The following PRPSAP1 variants were observed in gnomAD, a reference collection of about 807,000 sequenced individuals.
PRPSAP1 encodes the protein phosphoribosyl pyrophosphate synthetase associated protein 1, also known as phosphoribosyl pyrophosphate synthase-associated protein 1.
In PRPSAP1, 31 loss-of-function variants were observed where a neutral mutation model predicts 39.4. The observed-to-expected ratio is 0.79, with a 90% CI of 0.59 to 1.06. PRPSAP1 has a LOEUF of 1.06. Ranked by LOEUF, PRPSAP1 falls within the 50% of genes least tolerant of loss-of-function variation. The pLI, the probability that PRPSAP1 is intolerant of heterozygous loss-of-function variation, is 0.00. For synonymous variants in PRPSAP1, 212 were observed against 192.6 expected (o/e 1.10, Z -0.83); for missense variants, 430 against 511.6 (o/e 0.84, Z 1.54).
rs970985848 is a variant in PRPSAP1, at chr17:76,318,804, C to T, written c.782-4913G>A. Among the ~76,000 whole-genome samples the T allele has an allele frequency of 6.6e-5, 10 of 152,108 alleles. No individual in the cohort carries two copies. The South Asian group carries it at 8.3e-4, about 13-fold the overall frequency. The stretch of plus-strand genomic sequence containing the variant: ...TCCTATGACACACAAAGATGACTGC[C>T]GGGGAAACCATGGTTATGACCGTTA... On this transcript the variant is annotated intron_variant, in intron 7 of 9. Transcript: ENST00000446526.
intron 7 of PRPSAP1, among the ~76,000 whole-genome samples, chr17:76,321,250 T>C (rs1290159925): frequency 1.3e-5 from 2 of 152,170 alleles, no homozygotes; most frequent in African/African-American, 4.8e-5. Flanking sequence ...GCATGAACCA[T>C]GCTCATATAA....
chr17:76,340,678 G>A (rs2071426243), intron 3 of PRPSAP1, among the ~76,000 whole-genome samples: 1 of 152,042 alleles, frequency 6.6e-6, no homozygotes, highest in Non-Finnish European at 1.5e-5. Flanking sequence ...ATCACTTGAG[G>A]TTGGGAGTTC....
intron 7 of PRPSAP1, among the ~76,000 whole-genome samples, chr17:76,327,805 C>T (rs555960115): frequency 1.3e-5 from 2 of 152,096 alleles, no homozygotes; most frequent in East Asian, 1.9e-4. Flanking sequence ...TATCAAACAC[C>T]GTCTGAATGC....
chr17:76,328,396 G>C (rs1417531811), intron 7 of PRPSAP1, among the ~76,000 whole-genome samples: 1 of 152,094 alleles, frequency 6.6e-6, no homozygotes, highest in Non-Finnish European at 1.5e-5. Flanking sequence ...AGATCACGAG[G>C]TCTGGAGTTT....
intron 7 of PRPSAP1, among the ~76,000 whole-genome samples, chr17:76,326,261 G>C (rs1009617344): frequency 6.6e-5 from 10 of 152,102 alleles, no homozygotes; most frequent in African/African-American, 2.4e-4. Context: ...GATAGAGTTA[G>C]AAAAATGAAC....
At chr17:76,351,814 AAAAC>A (rs1427326465) in intron 1 of PRPSAP1, among the ~76,000 whole-genome samples, 1 of 152,166 alleles carries the variant, frequency 6.6e-6, no homozygotes, top group Non-Finnish European at 1.5e-5. Flanking sequence ...GAAAGAATCT[AAAAC>A]AAACAAACAA....
intron 8 of PRPSAP1, 139 bp downstream of exon 8, chr17:76,313,682 G>T: frequency 1.1e-6 from 1 of 883,166 alleles, no homozygotes; most frequent in Non-Finnish European, 1.8e-6. Flanking sequence ...TCTGCCACTT[G>T]GCACAAGGGA....
chr17:76,351,625 T>C (rs750677343), intron 1 of PRPSAP1, among the ~76,000 whole-genome samples: 11 of 152,104 alleles, frequency 7.2e-5, no homozygotes, highest in South Asian at 2.1e-4. Context: ...ACGTGGAGGT[T>C]GCAGTAAGCC....
At chr17:76,348,823 G>A (rs557432987) in intron 1 of PRPSAP1, among the ~76,000 whole-genome samples, 19 of 152,274 alleles carry the variant, frequency 1.2e-4, no homozygotes, top group East Asian at 3.9e-4. Flanking sequence ...TGTCTGGTGC[G>A]CGTTGTTCTT....
At chr17:76,340,275 C>T (rs2071421720) in intron 3 of PRPSAP1, among the ~76,000 whole-genome samples, 1 of 151,822 alleles carries the variant, frequency 6.6e-6, no homozygotes, top group Admixed American at 6.6e-5. Context: ...CATGAGCCAC[C>T]ACACCTGACC....
At chr17:76,327,920 T>C (rs902286585) in intron 7 of PRPSAP1, among the ~76,000 whole-genome samples, 3 of 152,066 alleles carry the variant, frequency 2.0e-5, no homozygotes, top group African/African-American at 7.3e-5. Flanking sequence ...ATGTCTGTAA[T>C]CTTATGTAAT....
chr17:76,344,828 G>A (rs1053773702), intron 2 of PRPSAP1, 91 bp from the exon 3 acceptor site: 28 of 895,894 alleles, frequency 3.1e-5, no homozygotes, highest in South Asian at 4.7e-5. Flanking sequence ...TGCCGGGCGC[G>A]GTGGCACATG....
chr17:76,315,726 T>C (rs1042091579), intron 7 of PRPSAP1, among the ~76,000 whole-genome samples: 72 of 124,710 alleles, frequency 5.8e-4, no homozygotes, highest in Non-Finnish European at 8.4e-4. Flanking sequence ...TTTTTTTTTT[T>C]TTTCTTGAGA....
At chr17:76,349,360 A>C (rs2071543903) in intron 1 of PRPSAP1, among the ~76,000 whole-genome samples, 1 of 152,082 alleles carries the variant, frequency 6.6e-6, no homozygotes, top group Admixed American at 6.6e-5. Flanking sequence ...CAAAGACTAG[A>C]TACTACATAA....
chr17:76,329,006 C>T, intron 6 of PRPSAP1, 144 bp from the exon 7 acceptor site: 1 of 976,638 alleles, frequency 1.0e-6, no homozygotes, highest in South Asian at 1.9e-5. Flanking sequence ...AATGTGAGGC[C>T]CAGGCCAGCA....
At chr17:76,346,918 T>C (rs1043245821) in intron 2 of PRPSAP1, among the ~76,000 whole-genome samples, 5 of 151,990 alleles carry the variant, frequency 3.3e-5, no homozygotes, top group African/African-American at 9.7e-5. Context: ...GCCTCCTCCA[T>C]GTCAGGAACT....
chr17:76,337,441 CA>C (rs2071391448), intron 3 of PRPSAP1: 1 of 78,378 alleles, frequency 1.3e-5, no homozygotes, highest in South Asian at 3.5e-4. Flanking sequence ...ACAACAACAA[CA>C]ACAACAAACT....
At chr17:76,321,859 G>A (rs2071201774) in intron 7 of PRPSAP1, among the ~76,000 whole-genome samples, 1 of 149,276 alleles carries the variant, frequency 6.7e-6, no homozygotes. Context: ...CAAATGATGA[G>A]AAAATAAAAC....
At chr17:76,343,833 CA>C (rs1598539451) in intron 3 of PRPSAP1, among the ~76,000 whole-genome samples, 1 of 151,500 alleles carries the variant, frequency 6.6e-6, no homozygotes, top group Non-Finnish European at 1.5e-5. Context: ...AGACTGTCCC[CA>C]AAAAAAGCCT....
Sources: gnomAD v4.1 joint callset for allele counts (sites outside exome capture counted in the v4.1 genomes callset) on GRCh38, gnomAD v4.1.1 for gene constraint, MANE v1.5 for transcripts, NCBI Gene and HGNC (gene_info 2026-07-23, HGNC 2026-07-21) for gene names.